Variants in FAM13B observed in about 807,000 individuals in gnomAD.
FAM13B encodes family with sequence similarity 13 member B.
FAM13B carries 60 observed loss-of-function variants against 117.3 expected under a neutral mutation model. That is an observed-to-expected ratio of 0.51 (90% CI 0.42 to 0.63). The LOEUF (loss-of-function observed/expected upper bound fraction) is 0.63, where lower values mean the gene tolerates loss of function less well. Among genes scored for constraint, FAM13B ranks in the 30% least tolerant of loss-of-function variants. The pLI is 0.00. For missense variants in FAM13B, 972 were observed against 1,091.9 expected (o/e 0.89, Z 1.55); for synonymous variants, 332 against 356.1 (o/e 0.93, Z 0.76).
chr5:137,987,619 A>G lies in FAM13B; in HGVS notation c.891-3T>C. ...CTCTAATTGTTCTTTCTAAAATACTACAAAACAACACGTTTTAGTAAGAAG... is the reference window on the plus strand; with the variant it reads ...CTCTAATTGTTCTTTCTAAAATACTGCAAAACAACACGTTTTAGTAAGAAG... On this transcript the variant is annotated splice_region_variant and splice_polypyrimidine_tract_variant and intron_variant, in intron 8 of 23. Transcript: ENST00000689681. 1 of 1,606,688 alleles carries G rather than the reference A, an allele frequency of 6.2e-7. No homozygotes were observed. The highest frequency in any genetic ancestry group is 8.5e-7 in the Non-Finnish European group (1 of 1,176,596).
At chr5:137,998,285 T>C (rs1280497634) in intron 7 of FAM13B, among the ~76,000 whole-genome samples, 3 of 152,232 alleles carry the variant, frequency 2.0e-5, no homozygotes, top group African/African-American at 7.2e-5. Flanking sequence ...CAAGTAATAC[T>C]GTGGCCACTG....
intron 4 of FAM13B, among the ~76,000 whole-genome samples, chr5:138,017,923 C>G (rs1415742715): frequency 6.6e-6 from 1 of 152,156 alleles, no homozygotes; most frequent in East Asian, 1.9e-4. Context: ...ATAAGTAACC[C>G]TAATAGTGGT....
At chr5:137,967,982 T>C (rs1260893905) in intron 10 of FAM13B, among the ~76,000 whole-genome samples, 1 of 151,948 alleles carries the variant, frequency 6.6e-6, no homozygotes, top group Non-Finnish European at 1.5e-5. Context: ...CCAGCACTTT[T>C]GGAGGCTGAG....
chr5:137,988,972 T>C (rs1777933335), intron 7 of FAM13B, among the ~76,000 whole-genome samples: 1 of 152,240 alleles, frequency 6.6e-6, no homozygotes, highest in Admixed American at 6.5e-5. Context: ...AAATTAGTTG[T>C]ACTGGATTTA....
intron 10 of FAM13B, among the ~76,000 whole-genome samples, chr5:137,980,446 T>C (rs1453735823): frequency 3.4e-5 from 5 of 147,128 alleles, no homozygotes; most frequent in South Asian, 2.2e-4. Flanking sequence ...ATTTCTTTTT[T>C]TTTTTTTTTT....
intron 10 of FAM13B, among the ~76,000 whole-genome samples, chr5:137,970,806 CAATCCTAGTCTCTGAT>C (rs1162624957): frequency 6.6e-6 from 1 of 151,972 alleles, no homozygotes; most frequent in Non-Finnish European, 1.5e-5. Flanking sequence ...GCAGGGGTTG[CAATCCTAGTCTCTGAT>C]AAAACAGACT....
chr5:138,049,096 C>T (rs565668970), intron 1 of FAM13B, among the ~76,000 whole-genome samples: 33 of 152,058 alleles, frequency 2.2e-4, no homozygotes, highest in Middle Eastern at 6.8e-3. Context: ...CGTGCGCCAC[C>T]GCGCCCAGCT....
At chr5:137,981,852 A>G (rs968053365) in intron 10 of FAM13B, among the ~76,000 whole-genome samples, 1 of 151,786 alleles carries the variant, frequency 6.6e-6, no homozygotes, top group African/African-American at 2.4e-5. Flanking sequence ...CAGAGACTGG[A>G]GTGGGTGGGT....
Position 137,956,471 on chromosome 5 carries a change from A to G in FAM13B, c.1507+6T>C. ...AAAAAACTAAACTATGGTGAACCATACTTACCCTCCCCATCTCTCTGCAGA... is the reference window on the plus strand; with the variant it reads ...AAAAAACTAAACTATGGTGAACCATGCTTACCCTCCCCATCTCTCTGCAGA... On this transcript the variant is annotated splice_donor_region_variant and intron_variant, in intron 14 of 23. Transcript: ENST00000689681. The G allele has an allele frequency of 6.3e-7, 1 of 1,592,162 alleles. No individual in the cohort carries two copies. Among genetic ancestry groups the G allele is most frequent in the South Asian group, 1.2e-5 (1 of 86,868 alleles).
intron 7 of FAM13B, among the ~76,000 whole-genome samples, chr5:137,989,305 A>G (rs372286458): frequency 6.6e-5 from 10 of 152,242 alleles, no homozygotes; most frequent in East Asian, 1.9e-4. Flanking sequence ...ATCATTTACC[A>G]TTCATTCACT....
At chr5:137,971,084 T>C (rs1238392412) in intron 10 of FAM13B, among the ~76,000 whole-genome samples, 3 of 151,548 alleles carry the variant, frequency 2.0e-5, no homozygotes, top group South Asian at 4.2e-4. Flanking sequence ...TACCCAGGAA[T>C]TGAACTCAGC....
At position 138,032,797 on chromosome 5, in the gene FAM13B, G is replaced by C; in HGVS notation, c.-218C>G. 4 of 985,816 alleles carry C rather than the reference G, an allele frequency of 4.1e-6. No homozygotes were observed. In the South Asian group the frequency reaches 1.9e-4, roughly 46 times the overall value. 61.1% of individuals were successfully genotyped at this position (985,816 alleles called of 1,614,324 possible). ...GTTTACCTACCGTTGGAACCGCGATGCCCCGTTCCCTGGCCGCGGCCGCTT... is the reference window on the plus strand; with the variant it reads ...GTTTACCTACCGTTGGAACCGCGATCCCCCGTTCCCTGGCCGCGGCCGCTT... On this transcript the variant is annotated 5_prime_UTR_variant, in exon 1 of 24. Coordinates refer to ENST00000689681, the MANE Select transcript of FAM13B (RefSeq NM_001385994.1).
intron 13 of FAM13B, 138 bp downstream of exon 13, chr5:137,959,478 T>G (rs1767531411): frequency 4.6e-6 from 4 of 875,686 alleles, no homozygotes; most frequent in Non-Finnish European, 6.9e-6. Context: ...ACCCACTTGT[T>G]CATCTTACAT....
At chr5:137,988,342 T>C (rs1777752072) in intron 7 of FAM13B, 27 bp from the exon 8 acceptor site, 2 of 1,549,676 alleles carry the variant, frequency 1.3e-6, no homozygotes, top group African/African-American at 2.8e-5. Flanking sequence ...AAATTAGCTA[T>C]AAAAATGTTC....
In FAM13B at chr5:137,938,943, A is replaced by T. The variant is rs1320718033; in HGVS notation, c.*1282T>A. 6.6e-6 allele frequency: 1 copy of T among 152,246 alleles called. No homozygotes were observed. The highest frequency in any genetic ancestry group is 2.4e-5 in the African/African-American group (1 of 41,472). 9.4% of individuals were successfully genotyped at this position (152,246 alleles called of 1,614,324 possible). A position where few individuals can be genotyped will look rare whatever the true frequency, so the allele number is the denominator to read the frequency against. ...GCACCAGAAAAAAAAGTTAACACTT[A>T]GATTAAGCCTGACCCAAATCTGCTG... On this transcript the variant is annotated 3_prime_UTR_variant, in exon 24 of 24. Coordinates refer to ENST00000689681, the MANE Select transcript of FAM13B (RefSeq NM_001385994.1).
At chr5:137,981,274 T>C (rs1318600308) in intron 10 of FAM13B, among the ~76,000 whole-genome samples, 3 of 151,340 alleles carry the variant, frequency 2.0e-5, no homozygotes, top group Non-Finnish European at 4.4e-5. Context: ...AGACAGACAA[T>C]AAACAGACTA....
chr5:138,047,650 G>T (rs1791681900), intron 1 of FAM13B, among the ~76,000 whole-genome samples: 1 of 152,214 alleles, frequency 6.6e-6, no homozygotes, highest in South Asian at 2.1e-4. Context: ...CGGATTATCT[G>T]GGTGGGCCCA....
At chr5:138,016,219 AG>A (rs1205098786) in intron 4 of FAM13B, among the ~76,000 whole-genome samples, 2 of 152,216 alleles carry the variant, frequency 1.3e-5, no homozygotes, top group African/African-American at 4.8e-5. Context: ...AAAGAAAAGA[AG>A]GGGTAGGATT....
At chr5:138,004,512 A>G (rs1013687957) in intron 7 of FAM13B, among the ~76,000 whole-genome samples, 3 of 152,254 alleles carry the variant, frequency 2.0e-5, no homozygotes, top group Admixed American at 1.3e-4. Context: ...ACTGCCCAAC[A>G]TGATAGTCAC....
Sources: allele counts gnomAD v4.1 joint callset (sites outside exome capture counted in the v4.1 genomes callset), GRCh38; gene constraint gnomAD v4.1.1; transcripts MANE v1.5; gene names NCBI Gene and HGNC (gene_info 2026-07-23, HGNC 2026-07-21).